Variants in DMD observed in about 807,000 individuals in gnomAD.
DMD encodes dystrophin.
Under a neutral mutation model 330.1 loss-of-function variants are expected in DMD, and 63 were observed. The observed-to-expected ratio is 0.19, with a 90% CI of 0.16 to 0.24. DMD has a LOEUF of 0.24. Ranked by LOEUF, DMD falls within the 10% of genes least tolerant of loss-of-function variation. The probability of loss-of-function intolerance (pLI) is 1.00; values close to 1 mark genes in which losing one functional copy is unlikely to be tolerated. For synonymous variants in DMD, 1,223 were observed against 959.8 expected, an observed-to-expected ratio of 1.27 and a Z score of -5.07; for missense variants, 3,344 against 2,684.1, an observed-to-expected ratio of 1.25 and a Z score of -5.43.
At chrX:32,649,504 C>T (rs2059995481) in intron 9 of DMD, among the ~76,000 whole-genome samples, 1 of 99,349 alleles carries the variant, frequency 1.0e-5, no homozygotes, top group South Asian at 4.6e-4. Context: ...TGCAGTGAGC[C>T]GAGAAAGCGC....
intron 12 of DMD, among the ~76,000 whole-genome samples, chrX:32,609,980 C>T (rs2035786183): frequency 9.0e-6 from 1 of 110,896 alleles, no homozygotes; most frequent in South Asian, 3.7e-4. Flanking sequence ...TAAATATTTT[C>T]CTTTTGAAAA....
chrX:33,113,716 G>A (rs971642305), intron 1 of DMD, among the ~76,000 whole-genome samples: 15 of 111,218 alleles, frequency 1.3e-4, no homozygotes, highest in Admixed American at 1.2e-3. Flanking sequence ...TATTATTTTG[G>A]TTAATGAATT....
At chrX:31,539,411 T>G (rs1369059635) in intron 55 of DMD, among the ~76,000 whole-genome samples, 1 of 112,021 alleles carries the variant, frequency 8.9e-6, no homozygotes, top group Non-Finnish European at 1.9e-5. Flanking sequence ...AAAGATAAAT[T>G]ATAAATTCTA....
intron 44 of DMD, among the ~76,000 whole-genome samples, chrX:32,169,049 A>G (rs1012867814): frequency 1.8e-5 from 2 of 111,761 alleles, no homozygotes; most frequent in Admixed American, 1.9e-4. Flanking sequence ...TTCTCCCTTA[A>G]GCTTCAGGTA....
At chrX:32,290,225 G>T (rs1220102192) in intron 42 of DMD, among the ~76,000 whole-genome samples, 1 of 111,999 alleles carries the variant, frequency 8.9e-6, no homozygotes. Context: ...CACGTTAAAG[G>T]GGCCTTCTCT....
chrX:32,522,401 A>T (rs747239860), intron 17 of DMD, among the ~76,000 whole-genome samples: 1 of 112,068 alleles, frequency 8.9e-6, no homozygotes, highest in Admixed American at 9.5e-5. Flanking sequence ...GATTGGGGGT[A>T]CATGTGATAA....
At chrX:31,446,505 C>T (rs972736941) in intron 59 of DMD, among the ~76,000 whole-genome samples, 4 of 111,567 alleles carry the variant, frequency 3.6e-5, no homozygotes, top group African/African-American at 1.3e-4. Context: ...ATGTATTCAT[C>T]TGTATTCAAC....
chrX:32,790,914 C>T (rs978405845), intron 7 of DMD, among the ~76,000 whole-genome samples: 5 of 111,387 alleles, frequency 4.5e-5, no homozygotes, highest in Non-Finnish European at 7.5e-5. Flanking sequence ...TGCCCCTCGA[C>T]TACAATAACC....
intron 13 of DMD, among the ~76,000 whole-genome samples, chrX:32,589,403 C>T (rs764007352): frequency 1.8e-5 from 2 of 110,513 alleles, no homozygotes; most frequent in East Asian, 2.9e-4. Flanking sequence ...TAAGCATGTG[C>T]ACTCTATCTC....
At chrX:31,881,474 GGTACC>G (rs2094066037) in intron 47 of DMD, among the ~76,000 whole-genome samples, 1 of 110,496 alleles carries the variant, frequency 9.1e-6, no homozygotes, top group Admixed American at 9.6e-5. Context: ...TAAACTGTAT[GGTACC>G]GTACAATAAT....
chrX:32,597,891 ATT>A (rs762368590), intron 12 of DMD, among the ~76,000 whole-genome samples: 8 of 112,077 alleles, frequency 7.1e-5, no homozygotes, highest in African/African-American at 9.7e-5. Flanking sequence ...TTCTTAGAAC[ATT>A]TTGTTACATA....
chrX:31,558,856 T>A (rs768046298), intron 55 of DMD, among the ~76,000 whole-genome samples: 15 of 111,383 alleles, frequency 1.3e-4, no homozygotes, highest in African/African-American at 4.6e-4. Context: ...TATCTAACTA[T>A]GTTGGTAAGG....
chrX:31,741,214 T>C (rs2087311479), intron 51 of DMD, among the ~76,000 whole-genome samples: 1 of 111,981 alleles, frequency 8.9e-6, no homozygotes, highest in South Asian at 3.7e-4. Flanking sequence ...AAGTCATTGA[T>C]GAGTGTTGGA....
chrX:31,956,427 G>A (rs762853316), intron 45 of DMD, among the ~76,000 whole-genome samples: 1 of 111,793 alleles, frequency 8.9e-6, no homozygotes, highest in Non-Finnish European at 1.9e-5. Context: ...AGAAGGGAGG[G>A]TTCAGAACAT....
At chrX:31,522,358 T>TCG (rs2072869476) in intron 55 of DMD, among the ~76,000 whole-genome samples, 1 of 75,650 alleles carries the variant, frequency 1.3e-5, no homozygotes, top group African/African-American at 6.0e-5. Context: ...TCTCTCTCTC[T>TCG]CTCTCTATAT....
chrX:32,299,074 C>T (rs1004201896), intron 42 of DMD, among the ~76,000 whole-genome samples: 3 of 109,952 alleles, frequency 2.7e-5, no homozygotes, highest in Non-Finnish European at 3.8e-5. Flanking sequence ...ATCCAGTCCA[C>T]ATTTTGCACT....
chrX:32,618,347 T>C (rs2057739361), intron 11 of DMD, among the ~76,000 whole-genome samples: 1 of 111,851 alleles, frequency 8.9e-6, no homozygotes, highest in Non-Finnish European at 1.9e-5. Context: ...AAGAGTAAGA[T>C]TATGTTCTTT....
At position 31,177,003 on chromosome X, in the gene DMD, A is replaced by C. The variant is rs1337610305; in HGVS notation, c.10262+929T>G. ...TAATAAAAAGAAATTGAATTCTTACACAAGCTTATCTTCCGAATTGGTCAT... is the reference window on the plus strand; with the variant it reads ...TAATAAAAAGAAATTGAATTCTTACCCAAGCTTATCTTCCGAATTGGTCAT... On this transcript the variant is annotated intron_variant, in intron 71 of 78. Coordinates refer to ENST00000357033, the MANE Select transcript of DMD (RefSeq NM_004006.3). 6.3e-5 allele frequency among the ~76,000 whole-genome samples: 7 copies of C among 111,461 alleles called. No individual in the cohort carries two copies. The South Asian group carries it at 2.6e-3, about 42-fold the overall frequency.
chrX:32,996,399 T>C (rs148439500), intron 2 of DMD, among the ~76,000 whole-genome samples: 46 of 111,932 alleles, frequency 4.1e-4, no homozygotes, highest in Non-Finnish European at 7.7e-4. Context: ...AGTTTTAGTA[T>C]TGTTTTCTGA....
Sources: allele counts gnomAD v4.1 joint callset (sites outside exome capture counted in the v4.1 genomes callset), GRCh38; gene constraint gnomAD v4.1.1; transcripts MANE v1.5; gene names NCBI Gene and HGNC (gene_info 2026-07-23, HGNC 2026-07-21).